B3GALT9: variants seen among roughly 807,000 people sequenced by gnomAD.
B3GALT9 encodes the protein beta-1,3-galactosyltransferase 9, also known as UDP-GlcNAc:betaGal beta-1,3-N-acetylglucosaminyltransferase 10 (putative).
Position 120,798,953 on chromosome 9 carries a change from T to G in B3GALT9, c.385T>G (p.Ser129Ala). The G allele has an allele frequency of 2.5e-6, 1 of 399,054 alleles. No homozygotes were observed. Among genetic ancestry groups the G allele is most frequent in the Non-Finnish European group, 4.4e-6 (1 of 226,078 alleles). 24.7% of individuals were successfully genotyped at this position (399,054 alleles called of 1,614,324 possible). ...ACTGTTTGCTCTGGGAATGCCTGTT[T>G]CGGTAACTACCCAGAAAGAGATCAA... is the stretch of plus-strand genomic sequence containing the variant. ...LTLFALGMPV[S>A]VTTQKEINKE... Residue 129 changes from serine to alanine, a missense_variant, in exon 3 of 3, where the codon TCG (serine) becomes GCG (alanine). Ser to Ala is a moderately conservative substitution (Grantham distance 99, BLOSUM62 1). Transcript: ENST00000689072.
intron 1 of B3GALT9, among the ~76,000 whole-genome samples, chr9:120,794,506 TTGTGTGTGTGTGTGTGTG>T (rs10589412): frequency 1.8e-4 from 26 of 142,172 alleles, no homozygotes; most frequent in South Asian, 2.4e-4. Flanking sequence ...GCCCAGCTAG[TTGTGTGTGTGTGTGTGTG>T]TGTGTGTGTG....
rs1381197953 is a variant in B3GALT9 at position 120,799,609 on chromosome 9, G to A, written c.1041G>A (p.Thr347=). Residue 347 remains threonine, a synonymous_variant, in exon 3 of 3, where the codon ACG becomes ACA. Transcript: ENST00000689072. ...SYELISCKLL[T]YLDSFKRFHM... ...AGCTCATTTCCTGCAAACTTCTGACGTACCTTGACAGCTTTAAACGTTTTC... is the reference window on the plus strand; with the variant it reads ...AGCTCATTTCCTGCAAACTTCTGACATACCTTGACAGCTTTAAACGTTTTC... The A allele has an allele frequency of 1.3e-5, 5 of 399,494 alleles. No individual in the cohort carries two copies. The highest frequency in any genetic ancestry group is 4.4e-5 in the Admixed American group (1 of 22,716). 24.7% of individuals were successfully genotyped at this position (399,494 alleles called of 1,614,324 possible).
rs969911816 is a variant in B3GALT9 at position 120,797,127 on chromosome 9, GAGAA to G, written c.6+526_6+529del. Reference sequence around the variant, plus strand: ...AGGGAGGGGGAGACAGAGGGAAAGAGAGAAAGAAAGAGAAAGAAAGAAAAGAAAG... The same window carrying G: ...AGGGAGGGGGAGACAGAGGGAAAGAGAGAAAGAGAAAGAAAGAAAAGAAAG... On this transcript the variant is annotated intron_variant, in intron 2 of 2. Coordinates refer to ENST00000689072, the MANE Select transcript of B3GALT9 (RefSeq NM_001386823.1). 8.9e-4 allele frequency among the ~76,000 whole-genome samples: 134 copies of G among 149,912 alleles called. 1 individual carries two copies. The highest frequency in any genetic ancestry group is 5.4e-4 in the Non-Finnish European group (37 of 67,902).
Position 120,798,584 on chromosome 9 carries a change from T to C in B3GALT9, c.16T>C (p.Cys6Arg). The C allele has an allele frequency of 2.5e-6, 1 of 399,762 alleles. No individual in the cohort carries two copies. Among genetic ancestry groups the C allele is most frequent in the Admixed American group, 4.4e-5 (1 of 22,748 alleles). The allele number at this position is 399,762 out of a possible 1,614,324, so 24.8% of individuals were successfully genotyped here. Residue 6 changes from cysteine to arginine, a missense_variant, in exon 3 of 3, where the codon TGC (cysteine) becomes CGC (arginine). Cys to Arg is a radical substitution (Grantham distance 180, BLOSUM62 -3). Transcript: ENST00000689072. ...TCCTTTCCTTTTTTAGGTGACTTTCTGCAGACTTCGGACTCACCAGTGGTG... is the reference window on the plus strand; with the variant it reads ...TCCTTTCCTTTTTTAGGTGACTTTCCGCAGACTTCGGACTCACCAGTGGTG... MQVTF[C>R]RLRTHQWCFI...
Position 120,798,769 on chromosome 9 carries a change from C to T in B3GALT9, c.201C>T (p.Leu67=). The part of the protein sequence containing the change: ...KLNIEPLRSN[L]SKYYVLSQSE... ...ACATCGAACCCCTAAGAAGTAATCT[C>T]TCCAAATATTATGTCCTGAGCCAGT... The change falls in exon 3 of 3, where the codon CTC becomes CTT. Residue 67 remains leucine (L), a synonymous_variant. Transcript: ENST00000689072. 2.5e-6 allele frequency: 1 copy of T among 399,098 alleles called. No homozygotes were observed. The highest frequency in any genetic ancestry group is 4.4e-6 in the Non-Finnish European group (1 of 226,082). The allele number at this position is 399,098 out of a possible 1,614,324, so 24.7% of individuals were successfully genotyped here. A position where few individuals can be genotyped will look rare whatever the true frequency, so the allele number is the denominator to read the frequency against.
chr9:120,795,213 T>TTGGA (rs2044930226), intron 1 of B3GALT9, among the ~76,000 whole-genome samples: 1 of 152,180 alleles, frequency 6.6e-6, no homozygotes, highest in Non-Finnish European at 1.5e-5. Context: ...GATATACAGA[T>TTGGA]TGGATACTCT....
intron 1 of B3GALT9, among the ~76,000 whole-genome samples, chr9:120,794,151 C>T (rs975070034): frequency 6.6e-6 from 1 of 152,202 alleles, no homozygotes; most frequent in African/African-American, 2.4e-5. Flanking sequence ...CCCACGCACT[C>T]TTTCTCAACA....
rs1299183682 is a variant in B3GALT9, at chr9:120,800,448, G to A, written c.*770G>A. ...TTTTGTATTTTTTTATAGAGATGGG[G>A]GTTTCATGATGTTGCCCACGCTGGT... is the stretch of plus-strand genomic sequence containing the variant. On this transcript the variant is annotated 3_prime_UTR_variant, in exon 3 of 3. Transcript: ENST00000689072. Among the ~76,000 whole-genome samples the A allele has an allele frequency of 6.6e-6, 1 of 151,478 alleles. No individual in the cohort carries two copies. Among genetic ancestry groups the A allele is most frequent in the Non-Finnish European group, 1.5e-5 (1 of 67,874 alleles).
chr9:120,799,376 G>C lies in B3GALT9; in HGVS notation c.808G>C (p.Ala270Pro), dbSNP rs150748130. 4 of 399,256 alleles carry C rather than the reference G, an allele frequency of 1.0e-5. No individual in the cohort carries two copies. Among genetic ancestry groups the C allele is most frequent in the African/African-American group, 8.2e-5 (4 of 48,724 alleles). 24.7% of individuals were successfully genotyped at this position (399,256 alleles called of 1,614,324 possible). A position where few individuals can be genotyped will look rare whatever the true frequency, so the allele number is the denominator to read the frequency against. The change falls in exon 3 of 3, where the codon GCT becomes CCT. Residue 270 changes from alanine to proline, a missense_variant. Physicochemically the swap from Ala to Pro is conservative, Grantham distance 27. Transcript: ENST00000689072. ...VFKEVPMMVP[A>P]DVFVGICAKF... ...CAAAGAAGTACCCATGATGGTGCCA[G>C]CTGATGTGTTTGTAGGAATTTGTGC...
Position 120,801,603 on chromosome 9 carries a change from G to A in B3GALT9, c.*1925G>A, listed in dbSNP as rs1484417974. 6.6e-6 allele frequency among the ~76,000 whole-genome samples: 1 copy of A among 152,160 alleles called. No individual in the cohort carries two copies. Among genetic ancestry groups the A allele is most frequent in the Non-Finnish European group, 1.5e-5 (1 of 68,028 alleles). Reference sequence around the variant, plus strand: ...AACATACAAAAAATTAGCTGGACCCGGTGGTACGTGCCTGTAATCCCAGCT... The same window carrying A: ...AACATACAAAAAATTAGCTGGACCCAGTGGTACGTGCCTGTAATCCCAGCT... On this transcript the variant is annotated 3_prime_UTR_variant, in exon 3 of 3. Coordinates refer to ENST00000689072, the MANE Select transcript of B3GALT9 (RefSeq NM_001386823.1).
chr9:120,796,006 T>C (rs1057085382), intron 1 of B3GALT9, among the ~76,000 whole-genome samples: 3 of 152,170 alleles, frequency 2.0e-5, no homozygotes, highest in Non-Finnish European at 2.9e-5. Context: ...GCATAGCCAA[T>C]ACTAGGGATT....
chr9:120,797,178 T>G (rs1470521321), intron 2 of B3GALT9, among the ~76,000 whole-genome samples: 1 of 151,252 alleles, frequency 6.6e-6, no homozygotes, highest in African/African-American at 2.4e-5. Flanking sequence ...AAGAGATAAG[T>G]AAAGATAGGA....
chr9:120,797,939 TAGC>T (rs950343256), intron 2 of B3GALT9, among the ~76,000 whole-genome samples: 38 of 152,328 alleles, frequency 2.5e-4, no homozygotes, highest in African/African-American at 8.2e-4. Context: ...GCTATGCAGA[TAGC>T]AGTAATCTGT....
rs2044966807 is a variant in B3GALT9, at chr9:120,801,002, C to T, written c.*1324C>T. On this transcript the variant is annotated 3_prime_UTR_variant, in exon 3 of 3. Transcript: ENST00000689072. ...TCAATGCCTGGTTTATTTCATGTAA[C>T]ATAATGCACTCCAGGTTCATCCATG... Among the ~76,000 whole-genome samples, 1 of 152,216 alleles carries T rather than the reference C, an allele frequency of 6.6e-6. No homozygotes were observed. The highest frequency in any genetic ancestry group is 1.9e-4 in the East Asian group (1 of 5,206).
In B3GALT9 at chr9:120,799,524, C is replaced by T. The variant is rs566865700; in HGVS notation, c.956C>T (p.Pro319Leu). 5.6e-4 allele frequency: 224 copies of T among 399,602 alleles called. No homozygotes were observed. The highest frequency in any genetic ancestry group is 2.5e-3 in the South Asian group (20 of 7,856). The allele number at this position is 399,602 out of a possible 1,614,324, so 24.8% of individuals were successfully genotyped here. A position where few individuals can be genotyped will look rare whatever the true frequency, so the allele number is the denominator to read the frequency against. Reference sequence around the variant, plus strand: ...TCAGAAATTGCAGATCCTGAAATGCCCCTAGCATGGAAGGAAATTAATGAT... The same window carrying T: ...TCAGAAATTGCAGATCCTGAAATGCTCCTAGCATGGAAGGAAATTAATGAT... Reference protein sequence around the residue: ...TSSEIADPEMPLAWKEINDGK... With the variant: ...TSSEIADPEMLLAWKEINDGK... Residue 319 changes from proline to leucine, a missense_variant, in exon 3 of 3, where the codon CCC becomes CTC. By Grantham distance (98) the Pro-to-Leu change is moderately conservative. Transcript: ENST00000689072.
In B3GALT9 at chr9:120,798,756, T is replaced by C; in HGVS notation, c.188T>C (p.Leu63Pro). 1 of 399,096 alleles carries C rather than the reference T, an allele frequency of 2.5e-6. No individual in the cohort carries two copies. Among genetic ancestry groups the C allele is most frequent in the South Asian group, 1.3e-4 (1 of 7,856 alleles). 24.7% of individuals were successfully genotyped at this position (399,096 alleles called of 1,614,324 possible). A position where few individuals can be genotyped will look rare whatever the true frequency, so the allele number is the denominator to read the frequency against. Residue 63 changes from leucine to proline, a missense_variant, in exon 3 of 3, where the codon CTA becomes CCA. Physicochemically the swap from Leu to Pro is moderately conservative, Grantham distance 98. Transcript: ENST00000689072. The stretch of plus-strand genomic sequence containing the variant: ...GCAAGAAAATTGAACATCGAACCCC[T>C]AAGAAGTAATCTCTCCAAATATTAT... ...NKARKLNIEP[L>P]RSNLSKYYVL...
rs368192251 is a variant in B3GALT9, at chr9:120,801,765, T to TA, written c.*2090dup. On this transcript the variant is annotated 3_prime_UTR_variant, in exon 3 of 3. Transcript: ENST00000689072. ...AAAAAACAAAATAAAATAAAATAAA[T>TA]AAAGTGATTTGCTTTCATGCTATTG... 6.6e-6 allele frequency among the ~76,000 whole-genome samples: 1 copy of TA among 152,088 alleles called. No individual in the cohort carries two copies. The highest frequency in any genetic ancestry group is 2.4e-5 in the African/African-American group (1 of 41,428).
Position 120,800,946 on chromosome 9 carries a change from A to G in B3GALT9, c.*1268A>G, listed in dbSNP as rs1303492385. Among the ~76,000 whole-genome samples the G allele has an allele frequency of 2.6e-5, 4 of 152,190 alleles. No homozygotes were observed. In the East Asian group the frequency reaches 7.7e-4, roughly 29 times the overall value. On this transcript the variant is annotated 3_prime_UTR_variant, in exon 3 of 3. Transcript: ENST00000689072. ...GAATTTGAGTTTTTTTACACTCCAC[A>G]TATAAGTGAGCTCATGTGCTTATTT...
rs1396838821 is a variant in B3GALT9 at position 120,799,635 on chromosome 9, A to C, written c.1067A>C (p.His356Pro). ...LTYLDSFKRF[H>P]MGTIKNNLMY... is the part of the protein sequence containing the mutation. ...TACCTTGACAGCTTTAAACGTTTTC[A>C]CATGGGGACCATAAAAAACAATCTC... The change falls in exon 3 of 3, where the codon CAC (histidine) becomes CCC (proline). Residue 356 changes from histidine to proline, a missense_variant. By Grantham distance (77) the His-to-Pro change is moderately conservative. Transcript: ENST00000689072. 1 of 399,334 alleles carries C rather than the reference A, an allele frequency of 2.5e-6. No individual in the cohort carries two copies. The highest frequency in any genetic ancestry group is 4.4e-6 in the Non-Finnish European group (1 of 226,176). The allele number at this position is 399,334 out of a possible 1,614,324, so 24.7% of individuals were successfully genotyped here. A position where few individuals can be genotyped will look rare whatever the true frequency, so the allele number is the denominator to read the frequency against.
Sources: gnomAD v4.1 joint callset for allele counts (sites outside exome capture counted in the v4.1 genomes callset) on GRCh38, gnomAD v4.1.1 for gene constraint, MANE v1.5 for transcripts, NCBI Gene and HGNC (gene_info 2026-07-23, HGNC 2026-07-21) for gene names.